The following IMMP2L variants were observed in gnomAD, a reference collection of about 807,000 sequenced individuals.
The protein encoded by IMMP2L is mitochondrial inner membrane protease subunit 2.
In IMMP2L, 18 loss-of-function variants were observed where a neutral mutation model predicts 19.3. The ratio of observed to expected loss-of-function variants is 0.93; its 90% CI spans 0.64 to 1.38. The LOEUF is 1.38. IMMP2L is among the 40% of genes most tolerant of loss of function. The pLI is 0.00. For missense variants in IMMP2L, 233 were observed against 218.2 expected, an observed-to-expected ratio of 1.07 and a Z score of -0.43; for synonymous variants, 76 against 73.0, an observed-to-expected ratio of 1.04 and a Z score of -0.21.
intron 3 of IMMP2L, among the ~76,000 whole-genome samples, chr7:111,303,518 G>A (rs1385707269): frequency 6.6e-6 from 1 of 151,996 alleles, no homozygotes; most frequent in African/African-American, 2.4e-5. Flanking sequence ...CTATGATCAT[G>A]ACTATGCAAA....
At chr7:110,950,086 C>T (rs79349578) in intron 4 of IMMP2L, among the ~76,000 whole-genome samples, 1 of 152,120 alleles carries the variant, frequency 6.6e-6, no homozygotes, top group African/African-American at 2.4e-5. Flanking sequence ...CTAGACGTTG[C>T]ACATTTTCAG....
intron 4 of IMMP2L, among the ~76,000 whole-genome samples, chr7:110,939,118 A>T (rs1050523122): frequency 3.9e-5 from 6 of 152,176 alleles, no homozygotes; most frequent in Non-Finnish European, 5.9e-5. Context: ...GTTTTCAACC[A>T]TGGTTATATA....
chr7:111,095,514 G>T (rs1024881798), intron 3 of IMMP2L, among the ~76,000 whole-genome samples: 10 of 151,868 alleles, frequency 6.6e-5, no homozygotes, highest in Admixed American at 6.6e-4. Context: ...TTCAATAATA[G>T]AAGCAACGAT....
At chr7:110,805,747 A>G (rs1438639165) in intron 5 of IMMP2L, among the ~76,000 whole-genome samples, 8 of 152,038 alleles carry the variant, frequency 5.3e-5, no homozygotes, top group Admixed American at 5.3e-4. Flanking sequence ...TCTTCTAACA[A>G]TGCAGTAACA....
At chr7:111,420,034 T>C (rs1835334616) in intron 3 of IMMP2L, among the ~76,000 whole-genome samples, 1 of 151,828 alleles carries the variant, frequency 6.6e-6, no homozygotes, top group Non-Finnish European at 1.5e-5. Context: ...ACAATAAGAA[T>C]GTATTTAATG....
intron 3 of IMMP2L, among the ~76,000 whole-genome samples, chr7:111,486,124 C>T (rs1394240360): frequency 6.6e-6 from 1 of 152,138 alleles, no homozygotes; most frequent in Admixed American, 6.5e-5. Context: ...TTTAAAAGCA[C>T]TCAAAACCTG....
intron 3 of IMMP2L, among the ~76,000 whole-genome samples, chr7:111,277,553 A>T (rs1700073481): frequency 7.0e-6 from 1 of 143,318 alleles, no homozygotes; most frequent in African/African-American, 2.6e-5. Flanking sequence ...ACAGACAGGG[A>T]CCTTGTCTCA....
At chr7:110,939,240 T>C (rs1345843678) in intron 4 of IMMP2L, among the ~76,000 whole-genome samples, 1 of 152,088 alleles carries the variant, frequency 6.6e-6, no homozygotes, top group Non-Finnish European at 1.5e-5. Context: ...CAGGGAAGCT[T>C]TTACAAATTA....
intron 5 of IMMP2L, among the ~76,000 whole-genome samples, chr7:110,670,712 A>C (rs1584458281): frequency 1.3e-5 from 2 of 150,908 alleles, no homozygotes; most frequent in African/African-American, 2.4e-5. Context: ...AAACAAAAAA[A>C]ACAAAAAAAA....
chr7:110,778,056 T>C (rs1021282050), intron 5 of IMMP2L, among the ~76,000 whole-genome samples: 9 of 152,056 alleles, frequency 5.9e-5, no homozygotes, highest in Admixed American at 5.9e-4. Context: ...CTATGTCAAC[T>C]TTACTAAGAT....
intron 1 of IMMP2L, among the ~76,000 whole-genome samples, chr7:111,533,847 T>C (rs1847625982): frequency 6.6e-6 from 1 of 152,014 alleles, no homozygotes; most frequent in Admixed American, 6.6e-5. Context: ...TAAATACTGA[T>C]AGATTTCACT....
chr7:111,165,078 C>T (rs1805676987), intron 3 of IMMP2L, among the ~76,000 whole-genome samples: 1 of 151,972 alleles, frequency 6.6e-6, no homozygotes, highest in Admixed American at 6.6e-5. Context: ...CCACATTCCA[C>T]ACTCCCCACA....
intron 4 of IMMP2L, among the ~76,000 whole-genome samples, chr7:110,954,932 T>C (rs1457188179): frequency 6.6e-6 from 1 of 152,078 alleles, no homozygotes; most frequent in African/African-American, 2.4e-5. Context: ...GCCTAATGAC[T>C]TTCTACAGCT....
chr7:111,141,265 AAAT>A (rs1802854905), intron 3 of IMMP2L, among the ~76,000 whole-genome samples: 1 of 151,536 alleles, frequency 6.6e-6, no homozygotes, highest in Admixed American at 6.6e-5. Context: ...AATTCCTTTG[AAAT>A]AATACTACAA....
At chr7:111,418,894 C>G (rs1354958066) in intron 3 of IMMP2L, among the ~76,000 whole-genome samples, 2 of 151,700 alleles carry the variant, frequency 1.3e-5, no homozygotes, top group African/African-American at 4.9e-5. Context: ...CAAATAGTCC[C>G]TAAGTTTTCT....
intron 3 of IMMP2L, among the ~76,000 whole-genome samples, chr7:111,462,751 T>C (rs1840251630): frequency 6.6e-6 from 1 of 152,084 alleles, no homozygotes; most frequent in Non-Finnish European, 1.5e-5. Flanking sequence ...ACAGTTCGTC[T>C]ATAGGGCCCT....
chr7:110,684,230 A>G (rs914603943), intron 5 of IMMP2L, among the ~76,000 whole-genome samples: 37 of 152,130 alleles, frequency 2.4e-4, no homozygotes, highest in Admixed American at 2.4e-3. Context: ...CAGTTTATTT[A>G]CAAAAATTTT....
chr7:110,888,868 G>C (rs972344703), intron 4 of IMMP2L, among the ~76,000 whole-genome samples: 1 of 152,030 alleles, frequency 6.6e-6, no homozygotes, highest in Non-Finnish European at 1.5e-5. Flanking sequence ...GTTCATAAGA[G>C]TATCCCCAGA....
intron 3 of IMMP2L, among the ~76,000 whole-genome samples, chr7:111,161,989 G>C (rs144275531): frequency 1.3e-3 from 194 of 152,180 alleles, no homozygotes; most frequent in Middle Eastern, 6.8e-3. Flanking sequence ...TAATATGTGA[G>C]TATGTGTGAG....
Sources: gnomAD v4.1 joint callset for allele counts (sites outside exome capture counted in the v4.1 genomes callset) on GRCh38, gnomAD v4.1.1 for gene constraint, MANE v1.5 for transcripts, NCBI Gene and HGNC (gene_info 2026-07-23, HGNC 2026-07-21) for gene names.